NEIL1: variants seen among roughly 807,000 people sequenced by gnomAD.
The protein encoded by NEIL1 is endonuclease 8-like 1.
NEIL1 carries 31 observed loss-of-function variants against 44.2 expected under a neutral mutation model. That is an observed-to-expected ratio of 0.70 (90% CI 0.53 to 0.95). NEIL1 has a LOEUF of 0.95. Ranked by LOEUF, NEIL1 falls within the 40% of genes least tolerant of loss-of-function variation. The pLI is 0.00. For synonymous variants in NEIL1, 254 were observed against 209.7 expected, an observed-to-expected ratio of 1.21 and a Z score of -1.83; for missense variants, 549 against 515.5, an observed-to-expected ratio of 1.07 and a Z score of -0.63.
chr15:75,355,692 T>C lies in NEIL1; in HGVS notation c.*658T>C. On this transcript the variant is annotated 3_prime_UTR_variant, in exon 10 of 10. Transcript: ENST00000355059. ...CTGCACGCACAGGTACCTTAGGATC[T>C]TGCCCCTACCCACCAAATACCTGGG... The C allele has an allele frequency of 1.7e-6, 1 of 573,580 alleles. No homozygotes were observed. Among genetic ancestry groups the C allele is most frequent in the Non-Finnish European group, 3.1e-6 (1 of 327,108 alleles). The allele number at this position is 573,580 out of a possible 1,614,324, so 35.5% of individuals were successfully genotyped here. A position where few individuals can be genotyped will look rare whatever the true frequency, so the allele number is the denominator to read the frequency against.
rs1345914148 is a variant in NEIL1, at chr15:75,352,335, C to T, written c.566C>T (p.Pro189Leu). 5 of 1,614,058 alleles carry T rather than the reference C, an allele frequency of 3.1e-6. No homozygotes were observed. The highest frequency in any genetic ancestry group is 4.2e-6 in the Non-Finnish European group (5 of 1,180,046). The change falls in exon 4 of 10, where the codon CCC (proline) becomes CTC (leucine). Residue 189 changes from proline to leucine, a missense_variant. By Grantham distance (98) the Pro-to-Leu change is moderately conservative. Coordinates refer to ENST00000355059, the MANE Select transcript of NEIL1 (RefSeq NM_024608.4). ...TGCCCCCACTACAGGCTGAAGATCC[C>T]CCCCTTTGAGAAGGCCCGCTCGGTC... is the stretch of plus-strand genomic sequence containing the variant. ...RAEILYRLKI[P>L]PFEKARSVLE...
At chr15:75,347,937 T>A in intron 1 of NEIL1, 1 of 1,249,036 alleles carries the variant, frequency 8.0e-7, no homozygotes, top group Non-Finnish European at 1.0e-6. Flanking sequence ...CTGCCGTCGC[T>A]AAGTGCCCCC....
chr15:75,350,544 T>A (rs999373892), intron 2 of NEIL1, among the ~76,000 whole-genome samples: 1 of 152,154 alleles, frequency 6.6e-6, no homozygotes, highest in Non-Finnish European at 1.5e-5. Flanking sequence ...GGAGTAGGGT[T>A]GGCAAGTTCT....
Position 75,349,212 on chromosome 15 carries a change from A to C in NEIL1, c.307A>C (p.Thr103Pro). 23 of 1,609,052 alleles carry C rather than the reference A, an allele frequency of 1.4e-5. No individual in the cohort carries two copies. Among genetic ancestry groups the C allele is most frequent in the Non-Finnish European group, 1.9e-5 (23 of 1,179,820 alleles). Residue 103 changes from threonine to proline, a missense_variant, in exon 2 of 10, where the codon ACG becomes CCG. Coordinates refer to ENST00000355059, the MANE Select transcript of NEIL1 (RefSeq NM_024608.4). ...LPRHAHLRFY[T>P]APPGPRLALC... ...ACGCCATGCCCACCTGCGCTTTTAC[A>C]CGGCCCCGCCTGGCCCCCGGCTCGC...
Position 75,356,172 on chromosome 15 carries a change from C to T in NEIL1, c.*1138C>T, listed in dbSNP as rs1478758451. 1.2e-6 allele frequency: 2 copies of T among 1,613,512 alleles called. No individual in the cohort carries two copies. The highest frequency in any genetic ancestry group is 8.5e-7 in the Non-Finnish European group (1 of 1,179,990). On this transcript the variant is annotated 3_prime_UTR_variant, in exon 10 of 10. Coordinates refer to ENST00000355059, the MANE Select transcript of NEIL1 (RefSeq NM_024608.4). The surrounding 1 kb of genome is among the most constrained non-coding windows in gnomAD (Gnocchi z 5.8). ...AGCAGTCCACGTGGCTGCCGTGGGC[C>T]TCATACAGCCTCAGGACCAGCGAGC...
At position 75,353,837 on chromosome 15, in the gene NEIL1, G is replaced by T; in HGVS notation, c.817G>T (p.Asp273Tyr). 6.2e-7 allele frequency: 1 copy of T among 1,613,414 alleles called. No individual in the cohort carries two copies. Among genetic ancestry groups the T allele is most frequent in the South Asian group, 1.1e-5 (1 of 91,046 alleles). ...YGMPGMSSLQ[D>Y]RHGRTIWFQG... The stretch of plus-strand genomic sequence containing the variant: ...CATGCCAGGCATGAGCTCCCTGCAG[G>T]ACCGGCATGGCCGTACCATCTGGTT... The change falls in exon 6 of 10, where the codon GAC (aspartate) becomes TAC (tyrosine). Residue 273 changes from aspartate to tyrosine, a missense_variant. Physicochemically the swap from Asp to Tyr is radical, Grantham distance 160. Coordinates refer to ENST00000355059, the MANE Select transcript of NEIL1 (RefSeq NM_024608.4).
rs2071583290 is a variant in NEIL1, at chr15:75,348,096, G to A, written c.-23+623G>A. The A allele has an allele frequency of 3.2e-6, 3 of 941,664 alleles. No homozygotes were observed. In the East Asian group the frequency reaches 3.0e-4, roughly 93 times the overall value. The allele number at this position is 941,664 out of a possible 1,614,324, so 58.3% of individuals were successfully genotyped here. A position where few individuals can be genotyped will look rare whatever the true frequency, so the allele number is the denominator to read the frequency against. ...GGGCCCTTTCCCTCCCCCAGGCCCG[G>A]GGCAGGAGCTCGGGGAGCCCTTCCT... On this transcript the variant is annotated intron_variant, in intron 1 of 9. Transcript: ENST00000355059.
chr15:75,347,732 G>C, intron 1 of NEIL1: 2 of 929,420 alleles, frequency 2.2e-6, no homozygotes, highest in Non-Finnish European at 2.7e-6. Flanking sequence ...GATGAGCTTT[G>C]GGGGGCCCTG....
Position 75,352,585 on chromosome 15 carries a change from C to G in NEIL1, c.619-17C>G. On this transcript the variant is annotated splice_polypyrimidine_tract_variant and intron_variant, in intron 4 of 9. Transcript: ENST00000355059. ...GGCCCTGCTGACAGACAGGTCCTGC[C>G]CCTGCCCCTTCCTCAGAGCCCGGAG... 1 of 1,608,334 alleles carries G rather than the reference C, an allele frequency of 6.2e-7. No homozygotes were observed.
intron 6 of NEIL1, 85 bp downstream of exon 6, chr15:75,353,951 C>T: frequency 1.3e-6 from 2 of 1,551,684 alleles, no homozygotes; most frequent in East Asian, 4.5e-5. Flanking sequence ...GGTGGTGATG[C>T]TCAGGGTCTG....
intron 4 of NEIL1, 43 bp downstream of exon 4, chr15:75,352,430 T>C (rs1397175855): frequency 1.2e-6 from 2 of 1,608,024 alleles, no homozygotes; most frequent in East Asian, 2.2e-5. Flanking sequence ...GGCACACTGG[T>C]GTCCACATGG....
chr15:75,356,366 G>A lies in NEIL1; in HGVS notation c.*1332G>A. 6.2e-7 allele frequency: 1 copy of A among 1,612,110 alleles called. No homozygotes were observed. Among genetic ancestry groups the A allele is most frequent in the East Asian group, 2.2e-5 (1 of 44,812 alleles). ...GAAAACGCACTCCAGGAGGTGGCGG[G>A]CGCTGGGCTGGGGGCTGGCAGAGCC... On this transcript the variant is annotated 3_prime_UTR_variant, in exon 10 of 10. Coordinates refer to ENST00000355059, the MANE Select transcript of NEIL1 (RefSeq NM_024608.4). This position sits in a 1 kb window ranked among gnomAD's most constrained non-coding sequence, Gnocchi z 5.8.
In NEIL1 at chr15:75,353,798, C is replaced by G. The variant is rs750157284; in HGVS notation, c.778C>G (p.Leu260Val). 6.2e-7 allele frequency: 1 copy of G among 1,614,040 alleles called. No individual in the cohort carries two copies. The highest frequency in any genetic ancestry group is 8.5e-7 in the Non-Finnish European group (1 of 1,180,018). The stretch of plus-strand genomic sequence containing the variant: ...GGACTTTGCTGCCTTTCGAGCCTGG[C>G]TGCGCTGCTATGGCATGCCAGGCAT... The part of the protein sequence containing the change: ...EEDFAAFRAW[L>V]RCYGMPGMSS... The change falls in exon 6 of 10, where the codon CTG (leucine) becomes GTG (valine). Residue 260 changes from leucine to valine, a missense_variant. Coordinates refer to ENST00000355059, the MANE Select transcript of NEIL1 (RefSeq NM_024608.4).
intron 2 of NEIL1, 113 bp from the exon 3 acceptor site, chr15:75,351,998 C>A: frequency 2.1e-6 from 2 of 957,560 alleles, no homozygotes; most frequent in Non-Finnish European, 3.3e-6. Context: ...AGAAGAGGAA[C>A]TGTAACTCCC....
At chr15:75,353,712 A>G (rs1205856559) in intron 5 of NEIL1, 27 bp from the exon 6 acceptor site, 1 of 1,613,734 alleles carries the variant, frequency 6.2e-7, no homozygotes, top group Admixed American at 1.7e-5. Context: ...CTGCCCTCTG[A>G]TCTCTGCCTG....
Position 75,356,468 on chromosome 15 carries a change from A to G in NEIL1, c.*1434A>G. The G allele has an allele frequency of 6.3e-7, 1 of 1,585,236 alleles. No homozygotes were observed. The highest frequency in any genetic ancestry group is 1.2e-5 in the South Asian group (1 of 86,576). On this transcript the variant is annotated 3_prime_UTR_variant, in exon 10 of 10. Coordinates refer to ENST00000355059, the MANE Select transcript of NEIL1 (RefSeq NM_024608.4). This position sits in a 1 kb window ranked among gnomAD's most constrained non-coding sequence, Gnocchi z 5.8. ...AAAGAGCCTGGGGTACGACCAGGAA[A>G]CAATGCTGGTGGAGAATGGGGGCTA...
Position 75,356,844 on chromosome 15 carries a change from T to C in NEIL1, c.*1810T>C. 1 of 1,614,140 alleles carries C rather than the reference T, an allele frequency of 6.2e-7. No homozygotes were observed. The highest frequency in any genetic ancestry group is 8.5e-7 in the Non-Finnish European group (1 of 1,180,048). On this transcript the variant is annotated 3_prime_UTR_variant, in exon 10 of 10. Transcript: ENST00000355059. The surrounding 1 kb of genome is among the most constrained non-coding windows in gnomAD (Gnocchi z 5.8). ...CACTGACGCGCCATACTTGCAGTCG[T>C]TGAGCAGGGCCAGCCCAAAGCCGTG... is the stretch of plus-strand genomic sequence containing the variant.
intron 1 of NEIL1, 184 bp downstream of exon 1, chr15:75,347,657 C>A: frequency 3.7e-6 from 1 of 272,842 alleles, no homozygotes; most frequent in Non-Finnish European, 5.8e-6. Context: ...GAACGGAGTG[C>A]GGGTTCCCGG....
rs959193031 is a variant in NEIL1 at position 75,349,505 on chromosome 15, T to C, written c.434+166T>C. The C allele has an allele frequency of 1.9e-5, 13 of 688,110 alleles. No homozygotes were observed. The Admixed American group carries it at 3.6e-4, about 19-fold the overall frequency. 42.6% of individuals were successfully genotyped at this position (688,110 alleles called of 1,614,324 possible). ...GTCCTGGGTCAGCTCCCTGAGCCAGTGGGCATGGAAACTCAAAACTAATTG... is the reference window on the plus strand; with the variant it reads ...GTCCTGGGTCAGCTCCCTGAGCCAGCGGGCATGGAAACTCAAAACTAATTG... On this transcript the variant is annotated intron_variant, in intron 2 of 9. Transcript: ENST00000355059.
Sources: allele counts gnomAD v4.1 joint callset (sites outside exome capture counted in the v4.1 genomes callset), GRCh38; gene constraint gnomAD v4.1.1; non-coding constraint Gnocchi (gnomAD v3.1); transcripts MANE v1.5; gene names NCBI Gene and HGNC (gene_info 2026-07-23, HGNC 2026-07-21).